Variants in TMEM176A observed in about 807,000 individuals in gnomAD.
TMEM176A encodes the protein transmembrane protein 176A.
A neutral mutation model predicts 27.9 loss-of-function variants in TMEM176A; 20 were observed. That is an observed-to-expected ratio of 0.72 (90% CI 0.50 to 1.04). The LOEUF (loss-of-function observed/expected upper bound fraction) is 1.04, where lower values mean the gene tolerates loss of function less well. TMEM176A is among the 50% of genes least tolerant of loss of function. The probability of loss-of-function intolerance (pLI) is 0.00; values close to 1 mark genes in which losing one functional copy is unlikely to be tolerated. For synonymous variants in TMEM176A, 125 were observed against 118.0 expected (o/e 1.06, Z -0.38); for missense variants, 252 against 289.1 (o/e 0.87, Z 0.93).
At chr7:150,801,399 G>T in intron 1 of TMEM176A, 137 bp from the exon 2 acceptor site, 2 of 811,316 alleles carry the variant, frequency 2.5e-6, no homozygotes, top group East Asian at 2.8e-5. Context: ...TGAGGGGCCA[G>T]GGGTGCGGCC....
In TMEM176A at chr7:150,801,582, C is replaced by A; in HGVS notation, c.32C>A (p.Pro11Gln). 6.2e-7 allele frequency: 1 copy of A among 1,610,334 alleles called. No individual in the cohort carries two copies. Among genetic ancestry groups the A allele is most frequent in the Non-Finnish European group, 8.5e-7 (1 of 1,178,902 alleles). The stretch of plus-strand genomic sequence containing the variant: ...ACAGCCGACAGTGATGAGATGGCCC[C>A]GGAGGCCCCACAGCACACCCACATC... Reference protein sequence around the residue: MGTADSDEMAPEAPQHTHIDV... With the variant: MGTADSDEMAQEAPQHTHIDV... Residue 11 changes from proline (P) to glutamine (Q), a missense_variant, in exon 2 of 7, where the codon CCG becomes CAG. Transcript: ENST00000004103.
At position 150,803,810 on chromosome 7, in the gene TMEM176A, C is replaced by T. The variant is rs1232502035; in HGVS notation, c.533C>T (p.Thr178Ile). 1.9e-6 allele frequency: 3 copies of T among 1,614,110 alleles called. No individual in the cohort carries two copies. Among genetic ancestry groups the T allele is most frequent in the Non-Finnish European group, 2.5e-6 (3 of 1,180,018 alleles). ...GAAGTCAGAAGGCTACACCTATGTA[C>T]CTCCTTCATGGACATGCTGAAGGTA... ...PEEVRRLHLCTSFMDMLKALF... is the reference protein window; with the variant it reads ...PEEVRRLHLCISFMDMLKALF... Residue 178 changes from threonine to isoleucine, a missense_variant, in exon 5 of 7, where the codon ACC (threonine) becomes ATC (isoleucine). Transcript: ENST00000004103.
In TMEM176A at chr7:150,804,888, T is replaced by C. The variant is rs1335921227; in HGVS notation, c.*20T>C. The C allele has an allele frequency of 6.2e-7, 1 of 1,613,756 alleles. No homozygotes were observed. Among genetic ancestry groups the C allele is most frequent in the Non-Finnish European group, 8.5e-7 (1 of 1,179,744 alleles). On this transcript the variant is annotated 3_prime_UTR_variant, in exon 7 of 7. Coordinates refer to ENST00000004103, the MANE Select transcript of TMEM176A (RefSeq NM_018487.3). ...ATCTAGCCATGCCTCTCCTGATTAT[T>C]AGTGCCTGGTGCTTCTGCACCGGGC...
In TMEM176A at chr7:150,803,648, C is replaced by A; in HGVS notation, c.371C>A (p.Ala124Glu). The A allele has an allele frequency of 6.2e-7, 1 of 1,614,062 alleles. No homozygotes were observed. Among genetic ancestry groups the A allele is most frequent in the Non-Finnish European group, 8.5e-7 (1 of 1,180,030 alleles). Residue 124 changes from alanine to glutamate, a missense_variant, in exon 5 of 7, where the codon GCA (alanine) becomes GAA (glutamate). Transcript: ENST00000004103. The stretch of plus-strand genomic sequence containing the variant: ...CTGCTGAGGACTCTGCTAACGCTGG[C>A]AGCTTTCTCCACAGCCATCGCTGCC... ...WALLRTLLTL[A>E]AFSTAIAALK...
chr7:150,802,055 TCTC>T (rs1798812281), intron 2 of TMEM176A, 157 bp from the exon 3 acceptor site: 4 of 623,662 alleles, frequency 6.4e-6, no homozygotes, highest in South Asian at 2.0e-5. Context: ...TCTTTCTCCT[TCTC>T]CTCCTCTTTC....
chr7:150,804,092 T>C (rs1798872801), intron 5 of TMEM176A, among the ~76,000 whole-genome samples: 1 of 152,212 alleles, frequency 6.6e-6, no homozygotes, highest in African/African-American at 2.4e-5. Context: ...AGGTGTTAAA[T>C]GCATGTTTTC....
At chr7:150,801,294 G>A in intron 1 of TMEM176A, 1 of 460,420 alleles carries the variant, frequency 2.2e-6, no homozygotes, top group Non-Finnish European at 3.8e-6. Context: ...GGGGGACAGA[G>A]CAGATCTTGG....
In TMEM176A at chr7:150,803,474, C is replaced by A. The variant is rs908499589; in HGVS notation, c.342+18C>A. Reference sequence around the variant, plus strand: ...CATACTGGGTAAGTTCAGGGAAGGGCATGGGAGGGGACCAGGTTCAGGCTG... The same window carrying A: ...CATACTGGGTAAGTTCAGGGAAGGGAATGGGAGGGGACCAGGTTCAGGCTG... On this transcript the variant is annotated intron_variant, in intron 4 of 6. Coordinates refer to ENST00000004103, the MANE Select transcript of TMEM176A (RefSeq NM_018487.3). 6.3e-7 allele frequency: 1 copy of A among 1,585,646 alleles called. No homozygotes were observed.
Position 150,802,209 on chromosome 7 carries a change from T to C in TMEM176A, c.175-6T>C. ...GAGCCGGGATCTTGGGTCCTTTGTC[T>C]TTCAGGTGATGCAGATCGTGCTGGG... is the stretch of plus-strand genomic sequence containing the variant. On this transcript the variant is annotated splice_region_variant and splice_polypyrimidine_tract_variant and intron_variant, in intron 2 of 6. Coordinates refer to ENST00000004103, the MANE Select transcript of TMEM176A (RefSeq NM_018487.3). The C allele has an allele frequency of 6.2e-7, 1 of 1,613,910 alleles. No homozygotes were observed. The highest frequency in any genetic ancestry group is 8.5e-7 in the Non-Finnish European group (1 of 1,179,874).
chr7:150,801,068 C>A, intron 1 of TMEM176A: 3 of 894,444 alleles, frequency 3.4e-6, no homozygotes, highest in Non-Finnish European at 4.0e-6. Context: ...GTCGGTGGAG[C>A]GGGAGGTCGG....
chr7:150,805,064 T>G lies in TMEM176A; in HGVS notation c.*196T>G. The G allele has an allele frequency of 1.6e-6, 1 of 616,706 alleles. No individual in the cohort carries two copies. Among genetic ancestry groups the G allele is most frequent in the Non-Finnish European group, 2.9e-6 (1 of 345,980 alleles). 38.2% of individuals were successfully genotyped at this position (616,706 alleles called of 1,614,324 possible). A position where few individuals can be genotyped will look rare whatever the true frequency, so the allele number is the denominator to read the frequency against. On this transcript the variant is annotated 3_prime_UTR_variant, in exon 7 of 7. Transcript: ENST00000004103. ...CACCCCTTCCCCATCCTGCTCCGCT[T>G]CATGTCCCCTCCTGAGTAGTCATGT...
At chr7:150,803,329 T>A in intron 3 of TMEM176A, 71 bp from the exon 4 acceptor site, 3 of 1,507,614 alleles carry the variant, frequency 2.0e-6, no homozygotes, top group Non-Finnish European at 2.7e-6. Context: ...AGGGCCTGCA[T>A]GGAGGCTCTC....
At chr7:150,802,764 T>A in intron 3 of TMEM176A, 1 of 1,001,558 alleles carries the variant, frequency 1.0e-6, no homozygotes. Flanking sequence ...GATGGGTGTG[T>A]GCAGTTTGCA....
Position 150,802,273 on chromosome 7 carries a change from G to T in TMEM176A, c.233G>T (p.Arg78Leu). The change falls in exon 3 of 7, where the codon CGC becomes CTC. Residue 78 changes from arginine to leucine, a missense_variant. Physicochemically the swap from Arg to Leu is moderately radical, Grantham distance 102. Transcript: ENST00000004103. The part of the protein sequence containing the change: ...SAVLGGFFYI[R>L]DYTLLVTSGA... ...GTCCTAGGAGGATTTTTCTACATCCGCGACTACACCCTCCTCGTCACCTCG... is the reference window on the plus strand; with the variant it reads ...GTCCTAGGAGGATTTTTCTACATCCTCGACTACACCCTCCTCGTCACCTCG... 2 of 1,613,364 alleles carry T rather than the reference G, an allele frequency of 1.2e-6. No individual in the cohort carries two copies. Among genetic ancestry groups the T allele is most frequent in the Non-Finnish European group, 8.5e-7 (1 of 1,179,820 alleles).
At chr7:150,804,785 T>C in intron 6 of TMEM176A, 42 bp from the exon 7 acceptor site, 1 of 1,611,420 alleles carries the variant, frequency 6.2e-7, no homozygotes, top group Non-Finnish European at 8.5e-7. Flanking sequence ...CTCCGCCCTT[T>C]CTCTCCCACT....
chr7:150,804,318 C>T, intron 5 of TMEM176A, 44 bp from the exon 6 acceptor site: 1 of 1,478,822 alleles, frequency 6.8e-7, no homozygotes, highest in Non-Finnish European at 9.5e-7. Flanking sequence ...AGCAGGAAGG[C>T]AGCTGTCATC....
At position 150,803,783 on chromosome 7, in the gene TMEM176A, A is replaced by T. The variant is rs778530297; in HGVS notation, c.506A>T (p.Glu169Val). Residue 169 changes from glutamate (E) to valine (V), a missense_variant, in exon 5 of 7, where the codon GAA (glutamate) becomes GTA (valine). Glu to Val is a moderately radical substitution (Grantham distance 121). Coordinates refer to ENST00000004103, the MANE Select transcript of TMEM176A (RefSeq NM_018487.3). ...WNTPAPTQSP[E>V]EVRRLHLCTS... ...ACTCCAGCCCCCACTCAGAGTCCAG[A>T]AGAAGTCAGAAGGCTACACCTATGT... is the stretch of plus-strand genomic sequence containing the variant. The T allele has an allele frequency of 6.8e-6, 11 of 1,614,040 alleles. No individual in the cohort carries two copies. Among genetic ancestry groups the T allele is most frequent in the Middle Eastern group, 1.6e-4 (1 of 6,080 alleles).
intron 3 of TMEM176A, chr7:150,802,632 A>G: frequency 2.1e-6 from 2 of 955,950 alleles, no homozygotes; most frequent in East Asian, 4.8e-5. Flanking sequence ...ACTTGCATTG[A>G]GATGGGGAAG....
At chr7:150,804,696 A>G in intron 6 of TMEM176A, 131 bp from the exon 7 acceptor site, 1 of 1,043,142 alleles carries the variant, frequency 9.6e-7, no homozygotes, top group Non-Finnish European at 1.5e-6. Flanking sequence ...GGAAGTCCAT[A>G]TCCATGCTAT....
Sources: allele counts gnomAD v4.1 joint callset (sites outside exome capture counted in the v4.1 genomes callset), GRCh38; gene constraint gnomAD v4.1.1; transcripts MANE v1.5; gene names NCBI Gene and HGNC (gene_info 2026-07-23, HGNC 2026-07-21).